NHSL2: variants seen among roughly 807,000 people sequenced by gnomAD.
NHSL2 encodes NHS-like protein 2.
In NHSL2, 27 loss-of-function variants were observed where a neutral mutation model predicts 53.4. That is an observed-to-expected ratio of 0.51 (90% CI 0.37 to 0.70). The LOEUF (loss-of-function observed/expected upper bound fraction) is 0.70, where lower values mean the gene tolerates loss of function less well. Among genes scored for constraint, NHSL2 ranks in the 30% least tolerant of loss-of-function variants. NHSL2 has a pLI of 0.00. For synonymous variants in NHSL2, 408 were observed against 404.1 expected (o/e 1.01, Z -0.12); for missense variants, 892 against 980.1 (o/e 0.91, Z 1.20).
chrX:72,070,958 T>C (rs1463775599), intron 1 of NHSL2, among the ~76,000 whole-genome samples: 1 of 112,221 alleles, frequency 8.9e-6, no homozygotes, highest in African/African-American at 3.2e-5. Context: ...CCCAGAGGGT[T>C]GCCTCTGCCT....
rs149392513 is a variant in NHSL2 at position 72,015,366 on chromosome X, A to G, written c.280+103999A>G. On this transcript the variant is annotated intron_variant, in intron 1 of 7. Coordinates refer to ENST00000633930, the MANE Select transcript of NHSL2 (RefSeq NM_001013627.3). ...CTTTTAAAATGTTATGTAACTTTGC[A>G]GAGTATGACTTTTATCAGGATTTAT... is the stretch of plus-strand genomic sequence containing the variant. Among the ~76,000 whole-genome samples the G allele has an allele frequency of 4.2e-3, 478 of 112,609 alleles. 8 individuals carry two copies. The East Asian group carries it at 0.084, about 20-fold the overall frequency.
At position 72,148,656 on chromosome X, in the gene NHSL2, C is replaced by T. The variant is rs1364925614; in HGVS notation, c.*5082C>T. On this transcript the variant is annotated 3_prime_UTR_variant, in exon 8 of 8. Coordinates refer to ENST00000633930, the MANE Select transcript of NHSL2 (RefSeq NM_001013627.3). The stretch of plus-strand genomic sequence containing the variant: ...TACATAGTAAATAGTTATAGACACA[C>T]ATTTGGGGCATTTTTAATAAGGTTA... The T allele has an allele frequency of 3.6e-5, 4 of 111,502 alleles. No homozygotes were observed. The highest frequency in any genetic ancestry group is 5.6e-5 in the Non-Finnish European group (3 of 53,120). 9.2% of individuals were successfully genotyped at this position (111,502 alleles called of 1,213,427 possible). A position where few individuals can be genotyped will look rare whatever the true frequency, so the allele number is the denominator to read the frequency against.
At chrX:71,990,509 C>T (rs372898761) in intron 1 of NHSL2, among the ~76,000 whole-genome samples, 1 of 110,616 alleles carries the variant, frequency 9.0e-6, no homozygotes, top group Non-Finnish European at 1.9e-5. Context: ...CTCCTTCACC[C>T]GTGGGCCACC....
At chrX:72,119,269 C>A (rs1489327486) in intron 1 of NHSL2, among the ~76,000 whole-genome samples, 1 of 111,766 alleles carries the variant, frequency 8.9e-6, no homozygotes, top group Non-Finnish European at 1.9e-5. Flanking sequence ...CCCTTAATTT[C>A]CATATGGATT....
intron 1 of NHSL2, among the ~76,000 whole-genome samples, chrX:72,097,744 T>C (rs1489536739): frequency 8.9e-6 from 1 of 112,246 alleles, no homozygotes; most frequent in African/African-American, 3.2e-5. Context: ...TCTCTTGTTA[T>C]ACCTGTTTTC....
intron 1 of NHSL2, among the ~76,000 whole-genome samples, chrX:71,946,959 A>G (rs188541634): frequency 8.9e-6 from 1 of 112,357 alleles, no homozygotes; most frequent in African/African-American, 3.2e-5. Flanking sequence ...GGCCCAGCAC[A>G]GGGCCTGGTT....
rs759306837 is a variant in NHSL2, at chrX:72,056,470, C to G, written c.281-75609C>G. Among the ~76,000 whole-genome samples the G allele has an allele frequency of 2.5e-3, 280 of 111,559 alleles. 2 individuals carry two copies. The highest frequency in any genetic ancestry group is 8.8e-3 in the African/African-American group (270 of 30,581). The stretch of plus-strand genomic sequence containing the variant: ...CTATATCAAGCCTCACCAATATACT[C>G]TCTCAGCACCCTGTACCCTTTATTC... On this transcript the variant is annotated intron_variant, in intron 1 of 7. Transcript: ENST00000633930.
In NHSL2 at chrX:72,149,337, A is replaced by G. The variant is rs1359754746; in HGVS notation, c.*5763A>G. On this transcript the variant is annotated 3_prime_UTR_variant, in exon 8 of 8. Coordinates refer to ENST00000633930, the MANE Select transcript of NHSL2 (RefSeq NM_001013627.3). ...TCTCCAGTAAGGCTCTGGCAGAAGT[A>G]TATTTGATTTTAAGATTTTTGCCTA... is the stretch of plus-strand genomic sequence containing the variant. 8.9e-6 allele frequency: 1 copy of G among 111,844 alleles called. No individual in the cohort carries two copies. Among genetic ancestry groups the G allele is most frequent in the Non-Finnish European group, 1.9e-5 (1 of 53,166 alleles). The allele number at this position is 111,844 out of a possible 1,213,427, so 9.2% of individuals were successfully genotyped here.
intron 1 of NHSL2, among the ~76,000 whole-genome samples, chrX:72,117,574 A>G (rs1403835897): frequency 2.7e-5 from 3 of 109,717 alleles, no homozygotes; most frequent in African/African-American, 1.0e-4. Flanking sequence ...TCTACCCATT[A>G]TCAGTCACTC....
At chrX:72,129,654 C>T (rs886085513) in intron 1 of NHSL2, 9 of 475,814 alleles carry the variant, frequency 1.9e-5, no homozygotes, top group Non-Finnish European at 2.4e-5. Context: ...GTTGGGCACA[C>T]GTCGCTCTCT....
chrX:71,953,878 A>G (rs1186011190), intron 1 of NHSL2, among the ~76,000 whole-genome samples: 1 of 112,362 alleles, frequency 8.9e-6, no homozygotes, highest in Admixed American at 9.4e-5. Context: ...CTTCTTCAGA[A>G]GAATCTCTTC....
At chrX:71,972,489 G>C (rs2147859924) in intron 1 of NHSL2, among the ~76,000 whole-genome samples, 1 of 112,130 alleles carries the variant, frequency 8.9e-6, no homozygotes, top group East Asian at 2.8e-4. Context: ...ATCTTATTGA[G>C]GTTTCCTTGT....
chrX:72,131,340 C>T (rs771903531), intron 1 of NHSL2: 19 of 1,202,101 alleles, frequency 1.6e-5, no homozygotes, highest in Non-Finnish European at 2.0e-5. Flanking sequence ...ACTCCAAGTT[C>T]TCCTCCGCAA....
At chrX:71,916,841 C>G (rs2041630443) in intron 1 of NHSL2, among the ~76,000 whole-genome samples, 1 of 112,678 alleles carries the variant, frequency 8.9e-6, no homozygotes, top group Non-Finnish European at 1.9e-5. Context: ...ATAATGTTAT[C>G]TTCATGCATA....
intron 1 of NHSL2, among the ~76,000 whole-genome samples, chrX:72,039,070 TC>T (rs1348332909): frequency 2.8e-4 from 7 of 25,205 alleles, no homozygotes; most frequent in African/African-American, 2.6e-3. Context: ...TCTTTTCTTT[TC>T]CTTTCCTTTC....
intron 1 of NHSL2, chrX:72,027,498 G>A (rs1228783361): frequency 9.0e-6 from 1 of 110,949 alleles, no homozygotes; most frequent in Non-Finnish European, 1.9e-5. Context: ...AAAAAGAAGG[G>A]GTTAGCTTTG....
intron 1 of NHSL2, among the ~76,000 whole-genome samples, chrX:72,027,995 C>CGCTGCTGCT (rs1207111467): frequency 9.0e-6 from 1 of 111,161 alleles, no homozygotes; most frequent in Non-Finnish European, 1.9e-5. Context: ...CTGCTGCTGC[C>CGCTGCTGCT]GCTGCTGCTG....
intron 1 of NHSL2, among the ~76,000 whole-genome samples, chrX:72,089,131 T>C (rs1044915229): frequency 7.2e-5 from 8 of 111,297 alleles, no homozygotes; most frequent in South Asian, 3.8e-4. Context: ...GATCACTTTC[T>C]ACTTGTGTCA....
intron 1 of NHSL2, among the ~76,000 whole-genome samples, chrX:72,113,034 A>G (rs901046083): frequency 8.9e-5 from 10 of 111,931 alleles, no homozygotes; most frequent in Non-Finnish European, 1.7e-4. Flanking sequence ...TCTTTATTAT[A>G]TTCTAGATAC....
Sources: allele counts gnomAD v4.1 joint callset (sites outside exome capture counted in the v4.1 genomes callset), GRCh38; gene constraint gnomAD v4.1.1; transcripts MANE v1.5; gene names NCBI Gene and HGNC (gene_info 2026-07-23, HGNC 2026-07-21).